The following DYNC2H1 variants were observed in gnomAD, a reference collection of about 807,000 sequenced individuals.
DYNC2H1 encodes cytoplasmic dynein 2 heavy chain 1.
DYNC2H1 carries 410 observed loss-of-function variants against 570.0 expected under a neutral mutation model. The ratio of observed to expected loss-of-function variants is 0.72; its 90% CI spans 0.66 to 0.78. The LOEUF is 0.78. Among genes scored for constraint, DYNC2H1 ranks in the 30% least tolerant of loss-of-function variants. The probability of loss-of-function intolerance (pLI) is 0.00; values close to 1 mark genes in which losing one functional copy is unlikely to be tolerated. For synonymous variants in DYNC2H1, 1,688 were observed against 1,677.6 expected (o/e 1.01, Z -0.15); for missense variants, 4,865 against 5,046.4 (o/e 0.96, Z 1.09).
At chr11:103,222,507 G>A (rs1033359570) in intron 58 of DYNC2H1, among the ~76,000 whole-genome samples, 13 of 151,978 alleles carry the variant, frequency 8.6e-5, no homozygotes, top group Non-Finnish European at 1.5e-4. Flanking sequence ...TAATTTCAGT[G>A]AACAATTTAG....
At chr11:103,397,021 T>A (rs548099908) in intron 83 of DYNC2H1, among the ~76,000 whole-genome samples, 1 of 152,166 alleles carries the variant, frequency 6.6e-6, no homozygotes, top group Non-Finnish European at 1.5e-5. Flanking sequence ...TAGTGCACAT[T>A]GTACTTCATA....
intron 59 of DYNC2H1, 54 bp from the exon 60 acceptor site, chr11:103,231,206 T>C: frequency 8.9e-7 from 1 of 1,122,502 alleles, no homozygotes; most frequent in Non-Finnish European, 1.3e-6. Context: ...TGCTGCTGCT[T>C]TATAGTTGAT....
intron 17 of DYNC2H1, among the ~76,000 whole-genome samples, chr11:103,140,209 A>G (rs1483226226): frequency 1.3e-5 from 2 of 152,068 alleles, no homozygotes; most frequent in African/African-American, 4.8e-5. Flanking sequence ...TTTAATATTC[A>G]CATTTAAAGT....
intron 83 of DYNC2H1, among the ~76,000 whole-genome samples, chr11:103,396,468 C>T (rs77954367): frequency 0.039 from 5,967 of 152,216 alleles, 295 homozygotes; most frequent in African/African-American, 0.11. Flanking sequence ...TGGACTTTTA[C>T]GGATGAACAT....
chr11:103,203,870 T>C lies in DYNC2H1; in HGVS notation c.8311+94T>C. ...TTATTTTGTCATTAGATTGCAAAGG[T>C]ATCTTAAATCTTTTTTCTGGAGCTT... is the stretch of plus-strand genomic sequence containing the variant. On this transcript the variant is annotated intron_variant, in intron 51 of 88. Coordinates refer to ENST00000375735, the MANE Select transcript of DYNC2H1 (RefSeq NM_001377.3). The surrounding 1 kb of genome is among the most constrained non-coding windows in gnomAD (Gnocchi z 4.7). The C allele has an allele frequency of 1.2e-6, 1 of 835,352 alleles. No homozygotes were observed. The highest frequency in any genetic ancestry group is 1.8e-6 in the Non-Finnish European group (1 of 555,938). The allele number at this position is 835,352 out of a possible 1,614,324, so 51.7% of individuals were successfully genotyped here. A position where few individuals can be genotyped will look rare whatever the true frequency, so the allele number is the denominator to read the frequency against.
At chr11:103,138,779 G>C (rs1004684157) in intron 17 of DYNC2H1, among the ~76,000 whole-genome samples, 2 of 152,140 alleles carry the variant, frequency 1.3e-5, no homozygotes, top group African/African-American at 2.4e-5. Flanking sequence ...AATAGTTTCA[G>C]AAGGAATGGT....
intron 55 of DYNC2H1, 151 bp downstream of exon 55, chr11:103,216,009 TG>T (rs1863368339): frequency 1.1e-6 from 1 of 902,362 alleles, no homozygotes; most frequent in East Asian, 2.7e-5. Context: ...TAAGCTTTTG[TG>T]GAAGGGCATG....
In DYNC2H1 at chr11:103,321,009, G is replaced by A; in HGVS notation, c.11726-20G>A. 8 of 1,555,912 alleles carry A rather than the reference G, an allele frequency of 5.1e-6. No homozygotes were observed. Among genetic ancestry groups the A allele is most frequent in the Non-Finnish European group, 6.1e-6 (7 of 1,143,806 alleles). On this transcript the variant is annotated intron_variant, in intron 80 of 88. Coordinates refer to ENST00000375735, the MANE Select transcript of DYNC2H1 (RefSeq NM_001377.3). ...AATATTTTAGAAATGAAATTAATGA[G>A]TGTTTTTTTAAAATTATAGGTGCCA...
At position 103,259,946 on chromosome 11, in the gene DYNC2H1, T is replaced by C. The variant is rs1555082969; in HGVS notation, c.10664T>C (p.Val3555Ala). Residue 3555 changes from valine (V) to alanine (A), a missense_variant, in exon 70 of 89, where the codon GTA becomes GCA. Val to Ala is a moderately conservative substitution (Grantham distance 64, BLOSUM62 0). Coordinates refer to ENST00000375735, the MANE Select transcript of DYNC2H1 (RefSeq NM_001377.3). Reference protein sequence around the residue: ...QSLISSLQHMVYEYICRCLFK... With the variant: ...QSLISSLQHMAYEYICRCLFK... ...CTTATCAGCTCATTACAACATATGG[T>C]ATATGAATATATATGTCGTTGTCTA... The C allele has an allele frequency of 1.3e-6, 2 of 1,526,014 alleles. No individual in the cohort carries two copies. Among genetic ancestry groups the C allele is most frequent in the Non-Finnish European group, 1.8e-6 (2 of 1,134,330 alleles). 94.5% of individuals were successfully genotyped at this position (1,526,014 alleles called of 1,614,324 possible). A position where few individuals can be genotyped will look rare whatever the true frequency, so the allele number is the denominator to read the frequency against.
intron 83 of DYNC2H1, among the ~76,000 whole-genome samples, chr11:103,370,828 TG>T (rs2135553588): frequency 6.6e-6 from 1 of 152,192 alleles, no homozygotes; most frequent in South Asian, 2.1e-4. Flanking sequence ...TTAAAATATC[TG>T]GAAAGCCTTT....
At chr11:103,221,269 A>T (rs1450917493) in intron 57 of DYNC2H1, among the ~76,000 whole-genome samples, 1 of 152,190 alleles carries the variant, frequency 6.6e-6, no homozygotes, top group African/African-American at 2.4e-5. Context: ...TTCAGGTTTC[A>T]TGTTATAATA....
chr11:103,135,960 G>T lies in DYNC2H1; in HGVS notation c.2574+12G>T. The T allele has an allele frequency of 6.5e-7, 1 of 1,528,056 alleles. No homozygotes were observed. Among genetic ancestry groups the T allele is most frequent in the Non-Finnish European group, 8.9e-7 (1 of 1,129,814 alleles). 94.7% of individuals were successfully genotyped at this position (1,528,056 alleles called of 1,614,324 possible). On this transcript the variant is annotated intron_variant, in intron 17 of 88. Coordinates refer to ENST00000375735, the MANE Select transcript of DYNC2H1 (RefSeq NM_001377.3). Reference sequence around the variant, plus strand: ...TACACCAACATAAGGTATAGAACATGTAATGTTCCATCCTTCCATCATAAA... The same window carrying T: ...TACACCAACATAAGGTATAGAACATTTAATGTTCCATCCTTCCATCATAAA...
intron 69 of DYNC2H1, among the ~76,000 whole-genome samples, chr11:103,258,885 C>G (rs1044368940): frequency 6.6e-6 from 1 of 152,018 alleles, no homozygotes; most frequent in Non-Finnish European, 1.5e-5. Context: ...TTAGGAAATC[C>G]AAGTCTCAAT....
At chr11:103,452,399 A>G (rs1368813906) in intron 85 of DYNC2H1, among the ~76,000 whole-genome samples, 1 of 151,732 alleles carries the variant, frequency 6.6e-6, no homozygotes, top group East Asian at 1.9e-4. Flanking sequence ...AGTTGTTTTC[A>G]TGCACATTTA....
rs2135468855 is a variant in DYNC2H1, at chr11:103,334,483, T to A, written c.12039+10493T>A. On this transcript the variant is annotated intron_variant, in intron 82 of 88. Coordinates refer to ENST00000375735, the MANE Select transcript of DYNC2H1 (RefSeq NM_001377.3). The surrounding 1 kb of genome is among the most constrained non-coding windows in gnomAD (Gnocchi z 4.3). ...ATTTGGTTTCATTCTAACAATTCCA[T>A]GTAATGAAGTTTTTTTTAATTACAA... is the stretch of plus-strand genomic sequence containing the variant. 6.6e-6 allele frequency among the ~76,000 whole-genome samples: 1 copy of A among 151,784 alleles called. No homozygotes were observed. Among genetic ancestry groups the A allele is most frequent in the South Asian group, 2.1e-4 (1 of 4,732 alleles).
chr11:103,332,067 CAA>C (rs879873856), intron 82 of DYNC2H1, among the ~76,000 whole-genome samples: 6 of 102,008 alleles, frequency 5.9e-5, no homozygotes, highest in Non-Finnish European at 6.4e-5. Context: ...GACTCCATCT[CAA>C]AAAAAAAAAA....
chr11:103,295,825 C>A (rs1241303647), intron 75 of DYNC2H1, among the ~76,000 whole-genome samples: 2 of 152,166 alleles, frequency 1.3e-5, no homozygotes, highest in African/African-American at 4.8e-5. Flanking sequence ...TAGCTCACTC[C>A]CTTTTTGAAG....
chr11:103,219,208 C>G (rs1388545854), intron 55 of DYNC2H1, among the ~76,000 whole-genome samples: 1 of 151,680 alleles, frequency 6.6e-6, no homozygotes, highest in East Asian at 1.9e-4. Context: ...CATAGTGAGA[C>G]CCTGTCTCAA....
At chr11:103,360,274 C>T (rs2566908) in intron 83 of DYNC2H1, among the ~76,000 whole-genome samples, 83,450 of 151,920 alleles carry the variant, frequency 0.55, 24,796 homozygotes, top group Admixed American at 0.66. Flanking sequence ...ATTCTCTTCA[C>T]TTATATAACA....
Sources: gnomAD v4.1 joint callset for allele counts (sites outside exome capture counted in the v4.1 genomes callset) on GRCh38, gnomAD v4.1.1 for gene constraint, Gnocchi (gnomAD v3.1) non-coding constraint, MANE v1.5 for transcripts, NCBI Gene and HGNC (gene_info 2026-07-23, HGNC 2026-07-21) for gene names.